CEP97: variants seen among roughly 807,000 people sequenced by gnomAD.
CEP97 encodes centrosomal protein of 97 kDa.
A neutral mutation model predicts 73.1 loss-of-function variants in CEP97; 43 were observed. The ratio of observed to expected loss-of-function variants is 0.59; its 90% CI spans 0.46 to 0.76. The LOEUF (loss-of-function observed/expected upper bound fraction) is 0.76. Ranked by LOEUF, CEP97 falls within the 30% of genes least tolerant of loss-of-function variation. The pLI is 0.00. For missense variants in CEP97, 939 were observed against 1,014.0 expected, an observed-to-expected ratio of 0.93 and a Z score of 1.00; for synonymous variants, 337 against 370.0, an observed-to-expected ratio of 0.91 and a Z score of 1.02.
chr3:101,736,670 C>T (rs1576680563), intron 6 of CEP97, among the ~76,000 whole-genome samples: 1 of 152,136 alleles, frequency 6.6e-6, no homozygotes, highest in African/African-American at 2.4e-5. Context: ...AAAGGACATC[C>T]ACACAGAAAC....
chr3:101,745,063 G>T (rs1404915547), intron 6 of CEP97, among the ~76,000 whole-genome samples: 1 of 152,186 alleles, frequency 6.6e-6, no homozygotes. Flanking sequence ...TACCTGTGGA[G>T]AGACAAGCAT....
chr3:101,729,217 A>G (rs573148358), intron 4 of CEP97, among the ~76,000 whole-genome samples: 1 of 152,108 alleles, frequency 6.6e-6, no homozygotes, highest in South Asian at 2.1e-4. Flanking sequence ...TAGTGGTGCG[A>G]GCCTGTAGTC....
Position 101,767,862 on chromosome 3 carries a change from G to T in CEP97, c.*2311G>T, listed in dbSNP as rs192861814. ...TAAAATGAAAATACTGTAAATTAGA[G>T]TGTAGGAAAACTGGCATAGAGTTAA... On this transcript the variant is annotated 3_prime_UTR_variant, in exon 11 of 11. Coordinates refer to ENST00000341893, the MANE Select transcript of CEP97 (RefSeq NM_024548.4). 2 of 152,144 alleles carry T rather than the reference G, an allele frequency of 1.3e-5. No individual in the cohort carries two copies. The highest frequency in any genetic ancestry group is 2.4e-5 in the African/African-American group (1 of 41,426). 9.4% of individuals were successfully genotyped at this position (152,144 alleles called of 1,614,324 possible). A position where few individuals can be genotyped will look rare whatever the true frequency, so the allele number is the denominator to read the frequency against.
rs896932411 is a variant in CEP97, at chr3:101,765,765, C to G, written c.*214C>G. 1.6e-5 allele frequency: 8 copies of G among 496,646 alleles called. No homozygotes were observed. Among genetic ancestry groups the G allele is most frequent in the African/African-American group, 1.4e-4 (7 of 51,176 alleles). The allele number at this position is 496,646 out of a possible 1,614,324, so 30.8% of individuals were successfully genotyped here. On this transcript the variant is annotated 3_prime_UTR_variant, in exon 11 of 11. Coordinates refer to ENST00000341893, the MANE Select transcript of CEP97 (RefSeq NM_024548.4). The stretch of plus-strand genomic sequence containing the variant: ...TTTTACTTAGCTGTAAGGTACCAAA[C>G]TATTTATATTGAAAGCTATATGCAC...
rs1040527924 is a variant in CEP97, at chr3:101,769,884, C to T, written c.*4333C>T. The T allele has an allele frequency of 6.6e-5, 10 of 152,136 alleles. No individual in the cohort carries two copies. Among genetic ancestry groups the T allele is most frequent in the Non-Finnish European group, 1.5e-5 (1 of 68,026 alleles). The allele number at this position is 152,136 out of a possible 1,614,324, so 9.4% of individuals were successfully genotyped here. On this transcript the variant is annotated 3_prime_UTR_variant, in exon 11 of 11. Coordinates refer to ENST00000341893, the MANE Select transcript of CEP97 (RefSeq NM_024548.4). The stretch of plus-strand genomic sequence containing the variant: ...AAATAAACAAAGCAGTCCTCACAGC[C>T]TTGGAAAGAAATAGATAATTGTCTT...
Position 101,726,576 on chromosome 3 carries a change from T to C in CEP97, c.44-18T>C. ...TTTATTTTATTTGTGTTTTCTAACA[T>C]TTCCGTTTCTTTTCAAGGATCAGTG... On this transcript the variant is annotated intron_variant, in intron 1 of 10. Transcript: ENST00000341893. 6.4e-7 allele frequency: 1 copy of C among 1,555,588 alleles called. No individual in the cohort carries two copies. Among genetic ancestry groups the C allele is most frequent in the Non-Finnish European group, 8.7e-7 (1 of 1,155,768 alleles).
rs1397963831 is a variant in CEP97 at position 101,765,994 on chromosome 3, A to C, written c.*443A>C. The C allele has an allele frequency of 6.6e-6, 1 of 152,388 alleles. No individual in the cohort carries two copies. The highest frequency in any genetic ancestry group is 1.5e-5 in the Non-Finnish European group (1 of 68,174). 9.4% of individuals were successfully genotyped at this position (152,388 alleles called of 1,614,324 possible). On this transcript the variant is annotated 3_prime_UTR_variant, in exon 11 of 11. Transcript: ENST00000341893. The stretch of plus-strand genomic sequence containing the variant: ...TTGATAAAGCAAATATAAATGAGAA[A>C]TATGAGGATTGTGAATTATTGAAAT...
In CEP97 at chr3:101,765,577, A is replaced by T; in HGVS notation, c.*26A>T. 6.5e-7 allele frequency: 1 copy of T among 1,544,668 alleles called. No homozygotes were observed. The highest frequency in any genetic ancestry group is 8.7e-7 in the Non-Finnish European group (1 of 1,143,432). ...CATGTCTTTTGGGAGGCAGATATCC[A>T]CTTAACTTTTCTTAAAAATACTTTC... On this transcript the variant is annotated 3_prime_UTR_variant, in exon 11 of 11. Transcript: ENST00000341893.
intron 6 of CEP97, among the ~76,000 whole-genome samples, chr3:101,737,181 A>G (rs1273820488): frequency 6.6e-6 from 1 of 152,214 alleles, no homozygotes; most frequent in African/African-American, 2.4e-5. Flanking sequence ...TCCAAGAAAT[A>G]TGGGATTATG....
At chr3:101,763,070 A>G in intron 10 of CEP97, 1 of 1,223,432 alleles carries the variant, frequency 8.2e-7, no homozygotes, top group Non-Finnish European at 1.1e-6. Flanking sequence ...AATTTCTTGA[A>G]AATATTTTAA....
chr3:101,740,248 C>T (rs1321328361), intron 6 of CEP97, among the ~76,000 whole-genome samples: 1 of 152,170 alleles, frequency 6.6e-6, no homozygotes, highest in African/African-American at 2.4e-5. Flanking sequence ...CCCAAAATCT[C>T]CTTAAGCTGA....
chr3:101,747,441 A>C, intron 6 of CEP97, among the ~76,000 whole-genome samples: 1 of 151,384 alleles, frequency 6.6e-6, no homozygotes. Context: ...TTGTGTTTTT[A>C]GTAGAGATGG....
intron 1 of CEP97, among the ~76,000 whole-genome samples, chr3:101,726,177 A>G (rs1937882234): frequency 6.6e-6 from 1 of 152,210 alleles, no homozygotes; most frequent in Admixed American, 6.5e-5. Flanking sequence ...GTTGAACTAT[A>G]CTTTGATTTT....
chr3:101,764,387 G>A (rs1442573999), intron 10 of CEP97, among the ~76,000 whole-genome samples: 3 of 152,120 alleles, frequency 2.0e-5, no homozygotes, highest in Non-Finnish European at 4.4e-5. Flanking sequence ...CAAGGTGGGC[G>A]GATCACCTGA....
chr3:101,755,601 C>G lies in CEP97; in HGVS notation c.893+7C>G, dbSNP rs370056936. 7.3e-5 allele frequency: 117 copies of G among 1,613,054 alleles called. No individual in the cohort carries two copies. Among genetic ancestry groups the G allele is most frequent in the Non-Finnish European group, 9.6e-5 (113 of 1,179,278 alleles). On this transcript the variant is annotated splice_region_variant and intron_variant, in intron 7 of 10. Transcript: ENST00000341893. Reference sequence around the variant, plus strand: ...AGATTTTGAGCAAACAGAGGTAAGCCCATTTATTTCTAACAACTGATGAAT... The same window carrying G: ...AGATTTTGAGCAAACAGAGGTAAGCGCATTTATTTCTAACAACTGATGAAT...
At position 101,726,042 on chromosome 3, in the gene CEP97, A is replaced by G. The variant is rs748106670; in HGVS notation, c.44-552A>G. On this transcript the variant is annotated intron_variant, in intron 1 of 10. Coordinates refer to ENST00000341893, the MANE Select transcript of CEP97 (RefSeq NM_024548.4). The stretch of plus-strand genomic sequence containing the variant: ...GCCAGGGTTTGAACGTCTATGTTAT[A>G]CTAAAGTGCCTTATTGAGTGCCCGG... Among the ~76,000 whole-genome samples, 120 of 152,338 alleles carry G rather than the reference A, an allele frequency of 7.9e-4. No homozygotes were observed. In the Middle Eastern group the frequency reaches 0.014, roughly 17 times the overall value.
At chr3:101,729,194 A>C (rs1938010801) in intron 4 of CEP97, among the ~76,000 whole-genome samples, 1 of 151,970 alleles carries the variant, frequency 6.6e-6, no homozygotes, top group African/African-American at 2.4e-5. Context: ...AAATACCAAA[A>C]ATTAGTGGGG....
chr3:101,742,037 G>A (rs1333822874), intron 6 of CEP97, among the ~76,000 whole-genome samples: 2 of 139,860 alleles, frequency 1.4e-5, no homozygotes, highest in East Asian at 2.1e-4. Flanking sequence ...GTGAGACTCC[G>A]TCTCAAAAAA....
chr3:101,736,325 T>C (rs1938274258), intron 6 of CEP97, among the ~76,000 whole-genome samples: 1 of 152,094 alleles, frequency 6.6e-6, no homozygotes, highest in Non-Finnish European at 1.5e-5. Flanking sequence ...GCGATGGATC[T>C]CCCAACACAG....
Sources: allele counts gnomAD v4.1 joint callset (sites outside exome capture counted in the v4.1 genomes callset), GRCh38; gene constraint gnomAD v4.1.1; transcripts MANE v1.5; gene names NCBI Gene and HGNC (gene_info 2026-07-23, HGNC 2026-07-21).